Variants in TTYH3 observed in about 807,000 individuals in gnomAD.
TTYH3 encodes protein tweety homolog 3.
Under a neutral mutation model 68.2 loss-of-function variants are expected in TTYH3, and 23 were observed. That is an observed-to-expected ratio of 0.34 (90% CI 0.24 to 0.48). TTYH3 has a LOEUF of 0.48. Among genes scored for constraint, TTYH3 ranks in the 20% least tolerant of loss-of-function variants. TTYH3 has a pLI of 0.99. For missense variants in TTYH3, 768 were observed against 727.7 expected, an observed-to-expected ratio of 1.06 and a Z score of -0.64; for synonymous variants, 360 against 332.8, an observed-to-expected ratio of 1.08 and a Z score of -0.89.
intron 9 of TTYH3, among the ~76,000 whole-genome samples, chr7:2,654,779 T>C (rs1786287352): frequency 6.6e-6 from 1 of 152,190 alleles, no homozygotes; most frequent in South Asian, 2.1e-4. Context: ...CTCTTCTTTT[T>C]TATTTTTATT....
intron 7 of TTYH3, among the ~76,000 whole-genome samples, chr7:2,650,302 G>T (rs958148723): frequency 6.6e-6 from 1 of 152,220 alleles, no homozygotes; most frequent in African/African-American, 2.4e-5. Flanking sequence ...AGAGGTCTGG[G>T]TGCAGTGGCT....
chr7:2,638,945 C>T (rs1162455911), intron 1 of TTYH3, among the ~76,000 whole-genome samples: 7 of 152,082 alleles, frequency 4.6e-5, no homozygotes, highest in Admixed American at 2.0e-4. Context: ...GGCTCGCACA[C>T]GCCGAGCCCA....
intron 5 of TTYH3, among the ~76,000 whole-genome samples, chr7:2,649,018 T>C (rs980010382): frequency 7.8e-6 from 1 of 128,902 alleles, no homozygotes; most frequent in Non-Finnish European, 1.6e-5. Flanking sequence ...AACTGGGATA[T>C]GGGGGACTCG....
intron 1 of TTYH3, among the ~76,000 whole-genome samples, chr7:2,641,010 A>T (rs1481144682): frequency 6.6e-6 from 1 of 152,120 alleles, no homozygotes; most frequent in African/African-American, 2.4e-5. Context: ...TGGCCTGTGT[A>T]TGGGGACAAT....
intron 5 of TTYH3, 63 bp from the exon 6 acceptor site, chr7:2,649,503 GC>G (rs2114988589): frequency 4.0e-6 from 6 of 1,496,034 alleles, no homozygotes; most frequent in South Asian, 1.2e-5. Flanking sequence ...CTGGCCTGCA[GC>G]CCAGCAGGTG....
intron 1 of TTYH3, among the ~76,000 whole-genome samples, chr7:2,638,205 G>A (rs1292348572): frequency 6.6e-6 from 1 of 152,130 alleles, no homozygotes; most frequent in African/African-American, 2.4e-5. Flanking sequence ...TGAGGCCTGG[G>A]GCCCGGTCCC....
intron 1 of TTYH3, among the ~76,000 whole-genome samples, chr7:2,632,832 C>T (rs138842767): frequency 0.019 from 2,856 of 152,360 alleles, 42 homozygotes; most frequent in Non-Finnish European, 0.028. Context: ...CCTGGGCCGC[C>T]GCCAGCCCTC....
intron 1 of TTYH3, among the ~76,000 whole-genome samples, chr7:2,643,561 C>T (rs1029439331): frequency 1.3e-5 from 2 of 152,206 alleles, no homozygotes; most frequent in Admixed American, 6.5e-5. Context: ...CGGGCATGGG[C>T]GTCCCCTGCC....
rs556308187 is a variant in TTYH3, at chr7:2,635,894, G to A, written c.123+3616G>A. Among the ~76,000 whole-genome samples the A allele has an allele frequency of 5.3e-5, 8 of 152,344 alleles. 1 individual carries two copies. The Middle Eastern group carries it at 0.017, about 324-fold the overall frequency. ...GGAAGAGCTTCTGGGCTGGGGGAAC[G>A]GCAGGTGCAAAGGCCCTGAGGCAGA... is the stretch of plus-strand genomic sequence containing the variant. On this transcript the variant is annotated intron_variant, in intron 1 of 13. Transcript: ENST00000258796.
intron 13 of TTYH3, chr7:2,659,996 G>A: frequency 2.3e-6 from 3 of 1,303,928 alleles, no homozygotes; most frequent in Non-Finnish European, 3.0e-6. Flanking sequence ...TTAAGCCCAT[G>A]GACAGTGCCC....
chr7:2,634,339 G>A (rs1245129441), intron 1 of TTYH3, among the ~76,000 whole-genome samples: 3 of 152,308 alleles, frequency 2.0e-5, no homozygotes, highest in African/African-American at 7.2e-5. Context: ...ACCCCTGGGA[G>A]GCAAGGGCCA....
chr7:2,648,948 T>G (rs1370832067), intron 5 of TTYH3, among the ~76,000 whole-genome samples: 1 of 104,654 alleles, frequency 9.6e-6, no homozygotes, highest in African/African-American at 3.7e-5. Context: ...GGGCCCGCAG[T>G]GGGGTGTGGG....
chr7:2,653,758 G>A (rs1172933060), intron 9 of TTYH3, among the ~76,000 whole-genome samples: 1 of 152,250 alleles, frequency 6.6e-6, no homozygotes, highest in Non-Finnish European at 1.5e-5. Flanking sequence ...AGCTACTTCA[G>A]AGGCTGAGGC....
intron 1 of TTYH3, 72 bp from the exon 2 acceptor site, chr7:2,646,781 C>T: frequency 6.8e-7 from 1 of 1,480,206 alleles, no homozygotes; most frequent in Non-Finnish European, 9.0e-7. Flanking sequence ...CGCCAGGTCC[C>T]CTGCTGGGGC....
intron 1 of TTYH3, among the ~76,000 whole-genome samples, chr7:2,642,537 C>CAA (rs34165282): frequency 0.02 from 1,164 of 57,068 alleles, 11 homozygotes; most frequent in Middle Eastern, 0.042. Context: ...GACTCTGTCT[C>CAA]AAAAAAAAAA....
intron 13 of TTYH3, chr7:2,660,592 C>T (rs932112395): frequency 1.3e-5 from 12 of 955,272 alleles, no homozygotes; most frequent in Middle Eastern, 1.1e-3. Context: ...TCCCCTTGTG[C>T]TGCATGTCAG....
chr7:2,647,478 C>A lies in TTYH3; in HGVS notation c.466C>A (p.Arg156=). 1 of 1,535,270 alleles carries A rather than the reference C, an allele frequency of 6.5e-7. No homozygotes were observed. The change falls in exon 4 of 14, where the codon CGG becomes AGG. Residue 156 remains arginine, a synonymous_variant. Coordinates refer to ENST00000258796, the MANE Select transcript of TTYH3 (RefSeq NM_025250.3). ...GGAGCCCAGCCTGCAGACCCTGGAG[C>A]GGCAGCTGGCCGGGCGGCCCGAGCC... ...TAEPSLQTLE[R]QLAGRPEPLR... is the part of the protein sequence containing the mutation.
In TTYH3 at chr7:2,645,792, A is replaced by G. The variant is rs1003209016; in HGVS notation, c.124-1061A>G. ...CTCAGAAACACTTTCATGGTCAGCAAGAGGGGGTTCAGTCCCCCACAGGCT... is the reference window on the plus strand; with the variant it reads ...CTCAGAAACACTTTCATGGTCAGCAGGAGGGGGTTCAGTCCCCCACAGGCT... On this transcript the variant is annotated intron_variant, in intron 1 of 13. Transcript: ENST00000258796. The surrounding 1 kb of genome is among the most constrained non-coding windows in gnomAD (Gnocchi z 4.8). The G allele has an allele frequency of 5.3e-5, 25 of 470,856 alleles. No homozygotes were observed. Among genetic ancestry groups the G allele is most frequent in the African/African-American group, 4.2e-4 (21 of 50,054 alleles). 29.2% of individuals were successfully genotyped at this position (470,856 alleles called of 1,614,324 possible).
intron 1 of TTYH3, among the ~76,000 whole-genome samples, chr7:2,641,804 C>T (rs1785854549): frequency 6.6e-6 from 1 of 152,158 alleles, no homozygotes; most frequent in Non-Finnish European, 1.5e-5. Context: ...CCACGGCACG[C>T]TCCCCGCAGA....
Sources: allele counts gnomAD v4.1 joint callset (sites outside exome capture counted in the v4.1 genomes callset), GRCh38; gene constraint gnomAD v4.1.1; non-coding constraint Gnocchi (gnomAD v3.1); transcripts MANE v1.5; gene names NCBI Gene and HGNC (gene_info 2026-07-23, HGNC 2026-07-21).